The following PTGER3 variants were observed in gnomAD, a reference collection of about 807,000 sequenced individuals.
The protein encoded by PTGER3 is prostaglandin E receptor 3.
A neutral mutation model predicts 34.7 loss-of-function variants in PTGER3; 22 were observed. The ratio of observed to expected loss-of-function variants is 0.63; its 90% CI spans 0.45 to 0.91. PTGER3 has a LOEUF of 0.91. PTGER3 is among the 40% of genes least tolerant of loss of function. The probability of loss-of-function intolerance (pLI) is 0.00; values close to 1 mark genes in which losing one functional copy is unlikely to be tolerated. For missense variants in PTGER3, 468 were observed against 519.4 expected (o/e 0.90, Z 0.96); for synonymous variants, 241 against 230.1 (o/e 1.05, Z -0.43).
intron 4 of PTGER3, among the ~76,000 whole-genome samples, chr1:70,917,026 GT>G (rs1647188269): frequency 2.0e-5 from 3 of 151,916 alleles, no homozygotes; most frequent in Admixed American, 2.0e-4. Context: ...TCATTTCTTT[GT>G]GACAACATTT....
chr1:71,008,008 T>G (rs1657115838), intron 2 of PTGER3: 1 of 985,248 alleles, frequency 1.0e-6, no homozygotes, highest in African/African-American at 1.7e-5. Flanking sequence ...ACACAACAGA[T>G]TCTGATCTGT....
intron 4 of PTGER3, among the ~76,000 whole-genome samples, chr1:70,910,230 A>G (rs551694933): frequency 6.6e-6 from 1 of 152,250 alleles, no homozygotes; most frequent in African/African-American, 2.4e-5. Flanking sequence ...AAATGATCTC[A>G]TTGGCTTTCT....
At chr1:71,018,942 A>C (rs141847446) in intron 1 of PTGER3, among the ~76,000 whole-genome samples, 2 of 152,172 alleles carry the variant, frequency 1.3e-5, no homozygotes, top group African/African-American at 2.4e-5. Context: ...TGAGATGTGC[A>C]ATATAGAGAT....
chr1:71,037,360 T>C (rs1194578629), intron 1 of PTGER3, among the ~76,000 whole-genome samples: 1 of 152,156 alleles, frequency 6.6e-6, no homozygotes, highest in African/African-American at 2.4e-5. Context: ...ACTCCAAAGA[T>C]TGTCATTGTC....
At chr1:70,881,807 G>C (rs140298685) in intron 4 of PTGER3, among the ~76,000 whole-genome samples, 1 of 152,154 alleles carries the variant, frequency 6.6e-6, no homozygotes, top group African/African-American at 2.4e-5. Context: ...TTCCTTGCTG[G>C]GTTGGCCCTA....
rs189557163 is a variant in PTGER3 at position 71,008,903 on chromosome 1, C to A, written c.1077+3402G>T. 60 of 975,714 alleles carry A rather than the reference C, an allele frequency of 6.1e-5. No individual in the cohort carries two copies. The African/African-American group carries it at 1.0e-3, about 17-fold the overall frequency. The allele number at this position is 975,714 out of a possible 1,614,324, so 60.4% of individuals were successfully genotyped here. On this transcript the variant is annotated intron_variant, in intron 2 of 3. Coordinates refer to ENST00000306666, the MANE Select transcript of PTGER3 (RefSeq NM_198719.2). Reference sequence around the variant, plus strand: ...TGTAGTCTCCCTGTGTCATTCAGCTCCTAGAATCCTGTGTATTGCAGGAGA... The same window carrying A: ...TGTAGTCTCCCTGTGTCATTCAGCTACTAGAATCCTGTGTATTGCAGGAGA...
At position 71,047,173 on chromosome 1, in the gene PTGER3, C is replaced by G. The variant is rs755986228; in HGVS notation, c.405G>C (p.Leu135=). The change falls in exon 1 of 4, where the codon CTG becomes CTC. Residue 135 remains leucine (L), a synonymous_variant. Coordinates refer to ENST00000306666, the MANE Select transcript of PTGER3 (RefSeq NM_198719.2). ...AGGAGAGCCCGAAAACAGTCATGGT[C>G]AGCCCGAAAAAGGTGCAGAGCCGCC... ...PSGRLCTFFG[L]TMTVFGLSSL... The G allele has an allele frequency of 8.7e-6, 14 of 1,600,444 alleles. No individual in the cohort carries two copies. The South Asian group carries it at 1.6e-4, about 18-fold the overall frequency.
intron 2 of PTGER3, among the ~76,000 whole-genome samples, chr1:70,987,400 T>C (rs1172503854): frequency 6.6e-6 from 1 of 152,208 alleles, no homozygotes. Context: ...CAAGGTAAAT[T>C]ACAAGAAATA....
chr1:70,868,141 G>A (rs934895995), intron 4 of PTGER3, among the ~76,000 whole-genome samples: 1 of 151,818 alleles, frequency 6.6e-6, no homozygotes, highest in Admixed American at 6.6e-5. Flanking sequence ...CCTCCAATCT[G>A]TGTACCTTCA....
intron 2 of PTGER3, chr1:71,009,300 G>A (rs899165068): frequency 1.6e-5 from 16 of 983,312 alleles, no homozygotes; most frequent in Admixed American, 1.2e-4. Flanking sequence ...CAACATGGTC[G>A]GATATTTCAT....
At chr1:71,046,564 A>C (rs1441589967) in intron 1 of PTGER3, 117 bp downstream of exon 1, 1 of 1,266,364 alleles carries the variant, frequency 7.9e-7, no homozygotes, top group Non-Finnish European at 1.1e-6. Context: ...AGGAAAGGAC[A>C]CTTCAGCGCT....
At chr1:71,018,705 T>C (rs529537111) in intron 1 of PTGER3, among the ~76,000 whole-genome samples, 14 of 152,328 alleles carry the variant, frequency 9.2e-5, no homozygotes, top group African/African-American at 2.9e-4. Context: ...AAATTACTTA[T>C]TAAAATGATA....
chr1:70,992,258 C>T (rs10736414), intron 2 of PTGER3, among the ~76,000 whole-genome samples: 140,164 of 152,292 alleles, frequency 0.92, 64,644 homozygotes, highest in African/African-American at 0.98. Flanking sequence ...TCAGAAGGCC[C>T]GAGTTCTAGA....
intron 1 of PTGER3, among the ~76,000 whole-genome samples, chr1:71,034,278 G>T (rs576101352): frequency 6.6e-6 from 1 of 151,856 alleles, no homozygotes; most frequent in Admixed American, 6.6e-5. Context: ...CATTTTTATC[G>T]CTAAATTTTC....
intron 4 of PTGER3, among the ~76,000 whole-genome samples, chr1:70,909,272 G>C (rs898572996): frequency 1.3e-5 from 2 of 152,134 alleles, no homozygotes; most frequent in African/African-American, 4.8e-5. Context: ...CTATGTGTAC[G>C]TGTTTATTTC....
Position 70,906,149 on chromosome 1 carries a change from A to G in PTGER3, c.*23+47614T>C, listed in dbSNP as rs555558782. On this transcript the variant is annotated intron_variant, in intron 4 of 4. Coordinates refer to the PTGER3 transcript ENST00000370931. ...CCATGATTCTGAGGCCTCCGCAGCC[A>G]TGTGGAACTGTGAGTTCCATTAAGC... is the stretch of plus-strand genomic sequence containing the variant. 3.3e-5 allele frequency among the ~76,000 whole-genome samples: 5 copies of G among 152,296 alleles called. No individual in the cohort carries two copies. The East Asian group carries it at 9.7e-4, about 29-fold the overall frequency.
intron 4 of PTGER3, among the ~76,000 whole-genome samples, chr1:70,855,264 C>A (rs1265921158): frequency 6.6e-6 from 1 of 152,152 alleles, no homozygotes; most frequent in Non-Finnish European, 1.5e-5. Context: ...TATAAGGCAT[C>A]TAAATTGGTC....
At chr1:70,984,377 ACT>A (rs1654698982) in intron 2 of PTGER3, among the ~76,000 whole-genome samples, 1 of 133,812 alleles carries the variant, frequency 7.5e-6, no homozygotes, top group African/African-American at 2.8e-5. Flanking sequence ...GTAGACTGAG[ACT>A]CTGCCTCAAA....
chr1:70,956,464 G>T (rs980259334), intron 2 of PTGER3, among the ~76,000 whole-genome samples: 1 of 151,834 alleles, frequency 6.6e-6, no homozygotes, highest in African/African-American at 2.4e-5. Context: ...TTAAAAAGTG[G>T]GGCATGAGTA....
Sources: allele counts gnomAD v4.1 joint callset (sites outside exome capture counted in the v4.1 genomes callset), GRCh38; gene constraint gnomAD v4.1.1; transcripts MANE v1.5; gene names NCBI Gene and HGNC (gene_info 2026-07-23, HGNC 2026-07-21).